Variants in RPS6KA6 observed in about 807,000 individuals in gnomAD.
RPS6KA6 encodes ribosomal protein S6 kinase alpha-6.
In RPS6KA6, 27 loss-of-function variants were observed where a neutral mutation model predicts 65.4. The ratio of observed to expected loss-of-function variants is 0.41; its 90% CI spans 0.30 to 0.57. The LOEUF is 0.57. Ranked by LOEUF, RPS6KA6 falls within the 20% of genes least tolerant of loss-of-function variation. RPS6KA6 has a pLI of 0.24. For synonymous variants in RPS6KA6, 190 were observed against 184.2 expected (o/e 1.03, Z -0.26); for missense variants, 486 against 555.6 (o/e 0.87, Z 1.26).
At chrX:84,069,224 C>T (rs1056734721) in intron 20 of RPS6KA6, among the ~76,000 whole-genome samples, 26 of 111,388 alleles carry the variant, frequency 2.3e-4, no homozygotes, top group African/African-American at 8.5e-4. Context: ...ATATATAGAC[C>T]GATGGAACAG....
At chrX:84,160,205 T>C (rs1015107508) in intron 2 of RPS6KA6, among the ~76,000 whole-genome samples, 1 of 111,497 alleles carries the variant, frequency 9.0e-6, no homozygotes, top group Non-Finnish European at 1.9e-5. Flanking sequence ...TAGGTTTTAT[T>C]ATTTTTTTGC....
intron 20 of RPS6KA6, among the ~76,000 whole-genome samples, chrX:84,083,572 T>C (rs1388079787): frequency 2.7e-5 from 3 of 112,643 alleles, no homozygotes; most frequent in Non-Finnish European, 5.6e-5. Context: ...CATGGCTGCA[T>C]AGTATTCCAT....
intron 20 of RPS6KA6, among the ~76,000 whole-genome samples, chrX:84,073,725 TAG>T (rs1238775087): frequency 1.9e-5 from 2 of 107,473 alleles, no homozygotes; most frequent in Non-Finnish European, 3.8e-5. Context: ...AAAATCTAAA[TAG>T]ACTTTTTTTT....
At chrX:84,066,438 G>C (rs751567971) in intron 20 of RPS6KA6, among the ~76,000 whole-genome samples, 1 of 109,445 alleles carries the variant, frequency 9.1e-6, no homozygotes, top group East Asian at 2.9e-4. Context: ...GGGCGGGGGG[G>C]TGTCCACCAT....
intron 6 of RPS6KA6, among the ~76,000 whole-genome samples, chrX:84,145,013 G>A (rs908743211): frequency 4.5e-5 from 5 of 110,864 alleles, no homozygotes; most frequent in Non-Finnish European, 9.5e-5. Flanking sequence ...GCAGGAGGAC[G>A]GCATCACAAA....
chrX:84,126,964 G>C (rs1407212467), intron 8 of RPS6KA6, among the ~76,000 whole-genome samples: 1 of 110,962 alleles, frequency 9.0e-6, no homozygotes, highest in East Asian at 2.8e-4. Flanking sequence ...ATTAGTCGGA[G>C]AAAAGAAGTA....
At chrX:84,106,569 T>C in intron 14 of RPS6KA6, 82 bp from the exon 15 acceptor site, 5 of 673,199 alleles carry the variant, frequency 7.4e-6, no homozygotes, top group Non-Finnish European at 1.1e-5. Context: ...TATACATTCA[T>C]CTTAAGCCTT....
Position 84,062,581 on chromosome X carries a change from A to C in RPS6KA6, c.*1696T>G, listed in dbSNP as rs937817461. 6 of 111,584 alleles carry C rather than the reference A, an allele frequency of 5.4e-5. No homozygotes were observed. The highest frequency in any genetic ancestry group is 9.4e-5 in the Non-Finnish European group (5 of 52,960). The allele number at this position is 111,584 out of a possible 1,213,427, so 9.2% of individuals were successfully genotyped here. On this transcript the variant is annotated 3_prime_UTR_variant, in exon 22 of 22. Coordinates refer to ENST00000262752, the MANE Select transcript of RPS6KA6 (RefSeq NM_014496.5). Reference sequence around the variant, plus strand: ...AGTAATTATTTTTCATGTGGCATAAATTGTTATTTAATCTCTTTCAATTAT... The same window carrying C: ...AGTAATTATTTTTCATGTGGCATAACTTGTTATTTAATCTCTTTCAATTAT...
chrX:84,128,631 C>G (rs1173081899), intron 8 of RPS6KA6, among the ~76,000 whole-genome samples: 1 of 111,483 alleles, frequency 9.0e-6, no homozygotes, highest in Non-Finnish European at 1.9e-5. Context: ...TAACATGGTA[C>G]TGTCATAAAA....
intron 20 of RPS6KA6, among the ~76,000 whole-genome samples, chrX:84,072,181 A>T (rs1160554457): frequency 8.9e-6 from 1 of 111,990 alleles, no homozygotes; most frequent in African/African-American, 3.2e-5. Context: ...AACTGAGTTC[A>T]ACAGCACATT....
Position 84,134,202 on chromosome X carries a change from G to A in RPS6KA6, c.646+580C>T, listed in dbSNP as rs774317969. ...ACTGCTGAGTAGTATGTCATCATATGGAAGTATGACAATTTACATTTATCC... is the reference window on the plus strand; with the variant it reads ...ACTGCTGAGTAGTATGTCATCATATAGAAGTATGACAATTTACATTTATCC... On this transcript the variant is annotated intron_variant, in intron 8 of 21. Coordinates refer to ENST00000262752, the MANE Select transcript of RPS6KA6 (RefSeq NM_014496.5). 2.3e-3 allele frequency among the ~76,000 whole-genome samples: 262 copies of A among 111,813 alleles called. 2 individuals carry two copies. Among genetic ancestry groups the A allele is most frequent in the African/African-American group, 8.2e-3 (252 of 30,837 alleles).
rs757738951 is a variant in RPS6KA6, at chrX:84,108,680, C to T, written c.1009-955G>A. Among the ~76,000 whole-genome samples the T allele has an allele frequency of 1.1e-4, 12 of 111,542 alleles. 1 individual carries two copies. In the South Asian group the frequency reaches 2.6e-3, roughly 25 times the overall value. ...TCCCCTAGGCCTCCAGTTTAATACA[C>T]GGAGCTGCCTGGAATCTGTGCAGAG... On this transcript the variant is annotated intron_variant, in intron 12 of 21. Coordinates refer to ENST00000262752, the MANE Select transcript of RPS6KA6 (RefSeq NM_014496.5).
rs190718708 is a variant in RPS6KA6, at chrX:84,108,160, T to C, written c.1009-435A>G. On this transcript the variant is annotated intron_variant, in intron 12 of 21. Coordinates refer to ENST00000262752, the MANE Select transcript of RPS6KA6 (RefSeq NM_014496.5). ...TATCAGATAATTGAAAATTTAGTCG[T>C]CTAACAATCTATCTTGCTAAAATCT... Among the ~76,000 whole-genome samples the C allele has an allele frequency of 6.3e-3, 709 of 112,114 alleles. 3 individuals carry two copies. The highest frequency in any genetic ancestry group is 0.022 in the African/African-American group (681 of 30,938).
At chrX:84,109,033 C>T (rs924927291) in intron 12 of RPS6KA6, among the ~76,000 whole-genome samples, 9 of 111,731 alleles carry the variant, frequency 8.1e-5, no homozygotes, top group Non-Finnish European at 1.7e-4. Context: ...CTCTTCAGCT[C>T]CCTCAATAGC....
intron 20 of RPS6KA6, among the ~76,000 whole-genome samples, chrX:84,082,520 C>T (rs1234695942): frequency 1.8e-5 from 2 of 111,832 alleles, no homozygotes; most frequent in Admixed American, 1.9e-4. Context: ...GGCCATAGTG[C>T]CCAAAGTAAT....
intron 20 of RPS6KA6, among the ~76,000 whole-genome samples, chrX:84,069,694 C>T (rs1172584287): frequency 6.3e-5 from 7 of 111,491 alleles, no homozygotes; most frequent in African/African-American, 2.3e-4. Flanking sequence ...CCACAATCTA[C>T]AAGAAACTTA....
At chrX:84,121,376 G>A (rs1328002953) in intron 8 of RPS6KA6, among the ~76,000 whole-genome samples, 1 of 111,810 alleles carries the variant, frequency 8.9e-6, no homozygotes, top group Non-Finnish European at 1.9e-5. Context: ...AGCAAACTTC[G>A]GGTCTTTTTC....
At chrX:84,127,481 T>TA (rs1476508371) in intron 8 of RPS6KA6, among the ~76,000 whole-genome samples, 1 of 111,242 alleles carries the variant, frequency 9.0e-6, no homozygotes, top group Non-Finnish European at 1.9e-5. Context: ...AGGCAAGTAT[T>TA]ACCCTGATAC....
chrX:84,079,872 G>C (rs2033753351), intron 20 of RPS6KA6, among the ~76,000 whole-genome samples: 1 of 112,264 alleles, frequency 8.9e-6, no homozygotes, highest in Non-Finnish European at 1.9e-5. Context: ...CAGAGCACCT[G>C]GAGGAAGGGG....
Sources: gnomAD v4.1 joint callset for allele counts (sites outside exome capture counted in the v4.1 genomes callset) on GRCh38, gnomAD v4.1.1 for gene constraint, MANE v1.5 for transcripts, NCBI Gene and HGNC (gene_info 2026-07-23, HGNC 2026-07-21) for gene names.